The following AK4 variants were observed in gnomAD, a reference collection of about 807,000 sequenced individuals.
AK4 encodes adenylate kinase 4, also known as adenylate kinase 4, mitochondrial.
Under a neutral mutation model 24.6 loss-of-function variants are expected in AK4, and 13 were observed. That is an observed-to-expected ratio of 0.53 (90% CI 0.34 to 0.84). The LOEUF (loss-of-function observed/expected upper bound fraction) is 0.84, where lower values mean the gene tolerates loss of function less well. AK4 is among the 40% of genes least tolerant of loss of function. The pLI is 0.01. For missense variants in AK4, 192 were observed against 288.2 expected (o/e 0.67, Z 2.42); for synonymous variants, 88 against 107.0 (o/e 0.82, Z 1.10).
At chr1:65,166,978 A>G (rs964094320) in intron 1 of AK4, among the ~76,000 whole-genome samples, 3 of 152,192 alleles carry the variant, frequency 2.0e-5, no homozygotes, top group Non-Finnish European at 4.4e-5. Context: ...CTAAAAATAC[A>G]AAGATTAGCT....
At chr1:65,159,207 G>A (rs1650074471) in intron 1 of AK4, among the ~76,000 whole-genome samples, 1 of 152,182 alleles carries the variant, frequency 6.6e-6, no homozygotes, top group African/African-American at 2.4e-5. Flanking sequence ...TAATTCTTGT[G>A]ACTTGGTCAT....
chr1:65,166,310 CTGTG>C (rs34870729), intron 1 of AK4, among the ~76,000 whole-genome samples: 12,606 of 142,990 alleles, frequency 0.088, 928 homozygotes, highest in African/African-American at 0.2. Flanking sequence ...GGGATTTAAG[CTGTG>C]TGTGTGTGTG....
rs1570159273 is a variant in AK4, at chr1:65,231,596, C to A, written c.*5419C>A. On this transcript the variant is annotated 3_prime_UTR_variant, in exon 5 of 5. Coordinates refer to ENST00000327299, the MANE Select transcript of AK4 (RefSeq NM_013410.4). The stretch of plus-strand genomic sequence containing the variant: ...AATTATTCTTGTCTTCATTTTAAAG[C>A]TTTGGCTATATAGTCAGAAATGTCC... 2 of 152,190 alleles carry A rather than the reference C, an allele frequency of 1.3e-5. No homozygotes were observed. The highest frequency in any genetic ancestry group is 2.1e-4 in the South Asian group (1 of 4,826). The allele number at this position is 152,190 out of a possible 1,614,324, so 9.4% of individuals were successfully genotyped here.
chr1:65,188,517 C>T (rs995289066), intron 1 of AK4, among the ~76,000 whole-genome samples: 14 of 152,168 alleles, frequency 9.2e-5, no homozygotes, highest in East Asian at 7.7e-4. Context: ...CTTGCTCTGT[C>T]GCCCAGGTTG....
intron 1 of AK4, among the ~76,000 whole-genome samples, chr1:65,172,103 A>ATT (rs143649603): frequency 2.3e-4 from 26 of 115,510 alleles, no homozygotes; most frequent in East Asian, 1.2e-3. Flanking sequence ...ATATATATAT[A>ATT]TTTAAACTCA....
chr1:65,219,014 C>A, intron 3 of AK4, 88 bp downstream of exon 3: 2 of 1,006,632 alleles, frequency 2.0e-6, no homozygotes, highest in Non-Finnish European at 2.7e-6. Context: ...ATGAGTAGAC[C>A]ATTCAAAAAA....
At chr1:65,151,020 C>T (rs1649753944) in intron 1 of AK4, among the ~76,000 whole-genome samples, 2 of 152,108 alleles carry the variant, frequency 1.3e-5, no homozygotes, top group African/African-American at 4.8e-5. Context: ...GTGGCGCTAT[C>T]TCGGCTCGCT....
chr1:65,163,239 C>G (rs921843599), intron 1 of AK4, among the ~76,000 whole-genome samples: 3 of 152,170 alleles, frequency 2.0e-5, no homozygotes, highest in Non-Finnish European at 2.9e-5. Flanking sequence ...AATGAAGGTT[C>G]GTTTCTTCTC....
chr1:65,230,675 C>T lies in AK4; in HGVS notation c.*4498C>T, dbSNP rs1381370842. ...GGAAACTCAAATGGCCTTTTTAATA[C>T]CTTTCCCTAGTTTGAGCTCCCTGTT... On this transcript the variant is annotated 3_prime_UTR_variant, in exon 5 of 5. Transcript: ENST00000327299. The T allele has an allele frequency of 2.6e-5, 4 of 152,108 alleles. No individual in the cohort carries two copies. The highest frequency in any genetic ancestry group is 4.4e-5 in the Non-Finnish European group (3 of 68,024). The allele number at this position is 152,108 out of a possible 1,614,324, so 9.4% of individuals were successfully genotyped here.
intron 1 of AK4, among the ~76,000 whole-genome samples, chr1:65,165,673 T>A (rs1328549662): frequency 6.6e-6 from 1 of 152,162 alleles, no homozygotes. Context: ...TTTTGGTGGC[T>A]GTTACTCGTA....
chr1:65,217,831 C>CTTTAGTTTTAAAGATTTAA (rs1652176713), intron 2 of AK4, among the ~76,000 whole-genome samples: 1 of 152,184 alleles, frequency 6.6e-6, no homozygotes, highest in Non-Finnish European at 1.5e-5. Context: ...AACTCTAGTT[C>CTTTAGTTTTAAAGATTTAA]CTTTTAAAAT....
At chr1:65,158,371 T>G (rs1650044972) in intron 1 of AK4, among the ~76,000 whole-genome samples, 1 of 152,242 alleles carries the variant, frequency 6.6e-6, no homozygotes, top group African/African-American at 2.4e-5. Context: ...GTCTGCTCTT[T>G]AACAATCTGT....
intron 1 of AK4, among the ~76,000 whole-genome samples, chr1:65,151,664 G>T (rs1649775376): frequency 6.6e-6 from 1 of 152,176 alleles, no homozygotes. Context: ...TGTATTAAAG[G>T]CCTGGGTCAC....
rs545607039 is a variant in AK4, at chr1:65,200,315, C to G, written c.265+9486C>G. Among the ~76,000 whole-genome samples the G allele has an allele frequency of 2.3e-3, 347 of 152,074 alleles. 3 individuals are homozygous for G. The highest frequency in any genetic ancestry group is 8.0e-3 in the African/African-American group (330 of 41,476). The stretch of plus-strand genomic sequence containing the variant: ...TTTTTAGTAGAGACGGGGTTTCACT[C>G]TGTTGGCCAGGCTGGTCTCAAACTC... On this transcript the variant is annotated intron_variant, in intron 2 of 4. Coordinates refer to ENST00000327299, the MANE Select transcript of AK4 (RefSeq NM_013410.4).
intron 1 of AK4, among the ~76,000 whole-genome samples, chr1:65,155,059 C>G (rs1285214645): frequency 1.3e-5 from 2 of 150,820 alleles, no homozygotes; most frequent in Admixed American, 6.6e-5. Flanking sequence ...CCATGTTGGC[C>G]AGGCTGGTCT....
chr1:65,148,360 G>T lies in AK4; in HGVS notation c.-48G>T, dbSNP rs773538987. 9 of 1,509,976 alleles carry T rather than the reference G, an allele frequency of 6.0e-6. No individual in the cohort carries two copies. In the South Asian group the frequency reaches 1.2e-4, roughly 19 times the overall value. The allele number at this position is 1,509,976 out of a possible 1,614,324, so 93.5% of individuals were successfully genotyped here. ...CAAAGTTCCCGGGGCTTCCTCCGGG[G>T]CCGCGGTCGGGGCTGCGCGTTTGAC... On this transcript the variant is annotated 5_prime_UTR_variant, in exon 1 of 5. Coordinates refer to ENST00000327299, the MANE Select transcript of AK4 (RefSeq NM_013410.4).
At chr1:65,212,493 T>G (rs1255131417) in intron 2 of AK4, among the ~76,000 whole-genome samples, 1 of 152,050 alleles carries the variant, frequency 6.6e-6, no homozygotes, top group Non-Finnish European at 1.5e-5. Flanking sequence ...TTTTATTTTA[T>G]TTTATTTTAT....
In AK4 at chr1:65,170,158, C is replaced by T. The variant is rs113914415; in HGVS notation, c.146-20552C>T. 9.0e-3 allele frequency among the ~76,000 whole-genome samples: 1,365 copies of T among 152,128 alleles called. 24 individuals carry two copies. Among genetic ancestry groups the T allele is most frequent in the African/African-American group, 0.031 (1,303 of 41,510 alleles). On this transcript the variant is annotated intron_variant, in intron 1 of 4. Coordinates refer to ENST00000327299, the MANE Select transcript of AK4 (RefSeq NM_013410.4). ...TTGGGAGGCGGAGGCGGGCGGATCACGAGGTCAGGAGATTGAGACCACGGT... is the reference window on the plus strand; with the variant it reads ...TTGGGAGGCGGAGGCGGGCGGATCATGAGGTCAGGAGATTGAGACCACGGT...
At chr1:65,183,892 A>T (rs1043615403) in intron 1 of AK4, among the ~76,000 whole-genome samples, 6 of 152,206 alleles carry the variant, frequency 3.9e-5, no homozygotes, top group African/African-American at 1.4e-4. Context: ...GTCTGTTGAT[A>T]TAAATGTGGA....
Sources: allele counts gnomAD v4.1 joint callset (sites outside exome capture counted in the v4.1 genomes callset), GRCh38; gene constraint gnomAD v4.1.1; transcripts MANE v1.5; gene names NCBI Gene and HGNC (gene_info 2026-07-23, HGNC 2026-07-21).